SYN3: variants seen among roughly 807,000 people sequenced by gnomAD.
SYN3 encodes the protein synapsin III, also known as synapsin-3.
In SYN3, 35 loss-of-function variants were observed where a neutral mutation model predicts 65.8. The ratio of observed to expected loss-of-function variants is 0.53; its 90% CI spans 0.41 to 0.70. The LOEUF is 0.70. SYN3 is among the 30% of genes least tolerant of loss of function. SYN3 has a pLI of 0.00. For missense variants in SYN3, 680 were observed against 749.0 expected (o/e 0.91, Z 1.08); for synonymous variants, 270 against 292.9 (o/e 0.92, Z 0.80).
Position 32,510,728 on chromosome 22 carries a change from C to T in SYN3, c.*2964G>A, listed in dbSNP as rs1375242798. Among the ~76,000 whole-genome samples, 1 of 152,128 alleles carries T rather than the reference C, an allele frequency of 6.6e-6. No homozygotes were observed. The highest frequency in any genetic ancestry group is 2.4e-5 in the African/African-American group (1 of 41,412). On this transcript the variant is annotated 3_prime_UTR_variant, in exon 14 of 14. Transcript: ENST00000358763. ...TAACAGGCTGCTCTTATAAGCAGTG[C>T]CCCAGATCCTTCTAATGGGGGAACC... is the stretch of plus-strand genomic sequence containing the variant.
intron 6 of SYN3, among the ~76,000 whole-genome samples, chr22:32,855,287 C>T (rs749622989): frequency 1.3e-4 from 20 of 152,178 alleles, no homozygotes; most frequent in Non-Finnish European, 2.5e-4. Context: ...AATCACAAAG[C>T]GGACTCAGCT....
chr22:33,002,227 G>A (rs1382955935), intron 2 of SYN3, among the ~76,000 whole-genome samples: 3 of 152,176 alleles, frequency 2.0e-5, no homozygotes, highest in African/African-American at 7.2e-5. Flanking sequence ...GAAGACAGGT[G>A]ATTCACATGA....
At chr22:32,772,205 A>ATTCT (rs1414064012) in intron 6 of SYN3, among the ~76,000 whole-genome samples, 51 of 151,748 alleles carry the variant, frequency 3.4e-4, no homozygotes, top group African/African-American at 1.2e-3. Flanking sequence ...CAGGACCAGA[A>ATTCT]GGTCAAGAAA....
chr22:32,767,250 A>T (rs2045650814), intron 6 of SYN3, among the ~76,000 whole-genome samples: 1 of 152,162 alleles, frequency 6.6e-6, no homozygotes, highest in Non-Finnish European at 1.5e-5. Context: ...ACCCTCAAGT[A>T]GCCTTCTCTT....
At chr22:32,874,445 CGTGT>C (rs1233313743) in intron 4 of SYN3, among the ~76,000 whole-genome samples, 1 of 152,170 alleles carries the variant, frequency 6.6e-6, no homozygotes, top group Non-Finnish European at 1.5e-5. Flanking sequence ...GGACAGGTGA[CGTGT>C]CACAGGGGGA....
chr22:32,856,081 A>C (rs1383685821), intron 6 of SYN3, among the ~76,000 whole-genome samples: 2 of 152,190 alleles, frequency 1.3e-5, no homozygotes, highest in African/African-American at 4.8e-5. Context: ...TTTGTAATAC[A>C]TCCCTCCCAG....
chr22:32,876,548 G>C (rs2048987375), intron 4 of SYN3, among the ~76,000 whole-genome samples: 1 of 151,498 alleles, frequency 6.6e-6, no homozygotes, highest in Non-Finnish European at 1.5e-5. Context: ...ATGGGAAATG[G>C]GAACTATTAC....
Position 32,801,260 on chromosome 22 carries a change from C to T in SYN3, c.711+63655G>A, listed in dbSNP as rs2046565854. ...ACTGGAGGGGTAGCAGTTAGCATTCCCCCGCTGGTTCCACCAAGCACAGTC... is the reference window on the plus strand; with the variant it reads ...ACTGGAGGGGTAGCAGTTAGCATTCTCCCGCTGGTTCCACCAAGCACAGTC... On this transcript the variant is annotated intron_variant, in intron 6 of 13. Transcript: ENST00000358763. The surrounding 1 kb of genome is among the most constrained non-coding windows in gnomAD (Gnocchi z 4.7). 6.6e-6 allele frequency among the ~76,000 whole-genome samples: 1 copy of T among 152,230 alleles called. No homozygotes were observed. The highest frequency in any genetic ancestry group is 2.4e-5 in the African/African-American group (1 of 41,456).
At chr22:32,563,440 T>A (rs2058614942) in intron 7 of SYN3, among the ~76,000 whole-genome samples, 1 of 152,154 alleles carries the variant, frequency 6.6e-6, no homozygotes, top group Non-Finnish European at 1.5e-5. Flanking sequence ...CTCTTGAACT[T>A]GAGCTGAGTT....
At chr22:32,768,850 T>C (rs2045693663) in intron 6 of SYN3, among the ~76,000 whole-genome samples, 1 of 152,206 alleles carries the variant, frequency 6.6e-6, no homozygotes, top group South Asian at 2.1e-4. Context: ...GATGATTTTG[T>C]TTCAAATTTC....
At chr22:32,533,963 G>A in intron 9 of SYN3, 68 bp from the exon 10 acceptor site, 1 of 1,073,892 alleles carries the variant, frequency 9.3e-7, no homozygotes. Context: ...AGGGAGAGAA[G>A]TGGATTCACA....
chr22:33,042,663 C>T (rs2053985625), intron 1 of SYN3, among the ~76,000 whole-genome samples: 1 of 152,200 alleles, frequency 6.6e-6, no homozygotes, highest in Admixed American at 6.5e-5. Flanking sequence ...CAGCATGCTG[C>T]TGCACCCTAC....
intron 6 of SYN3, among the ~76,000 whole-genome samples, chr22:32,740,312 C>T (rs1466957485): frequency 6.6e-6 from 1 of 152,150 alleles, no homozygotes; most frequent in Non-Finnish European, 1.5e-5. Flanking sequence ...AAGGAGCTGC[C>T]ACTCACTGGG....
chr22:32,770,450 C>A (rs2045738848), intron 6 of SYN3, among the ~76,000 whole-genome samples: 1 of 152,096 alleles, frequency 6.6e-6, no homozygotes, highest in Non-Finnish European at 1.5e-5. Flanking sequence ...AACATCTCTA[C>A]CCTCATCTTC....
intron 6 of SYN3, among the ~76,000 whole-genome samples, chr22:32,663,590 G>A (rs1413436232): frequency 3.9e-5 from 6 of 152,098 alleles, no homozygotes; most frequent in Admixed American, 1.3e-4. Flanking sequence ...GAGCCACCAC[G>A]CCCAGCCTAA....
intron 1 of SYN3, among the ~76,000 whole-genome samples, chr22:33,008,924 CAAAAAAAAAAA>C (rs201719238): frequency 7.7e-4 from 44 of 57,090 alleles, no homozygotes; most frequent in South Asian, 4.4e-3. Flanking sequence ...GACTTTATCT[CAAAAAAAAAAA>C]AAAAAAAAAA....
intron 6 of SYN3, among the ~76,000 whole-genome samples, chr22:32,809,269 G>C (rs2046846187): frequency 6.6e-6 from 1 of 152,144 alleles, no homozygotes; most frequent in Non-Finnish European, 1.5e-5. Context: ...CTCTCATATA[G>C]ACCAAGGGCT....
chr22:32,694,242 C>T (rs2060706231), intron 6 of SYN3, among the ~76,000 whole-genome samples: 2 of 152,144 alleles, frequency 1.3e-5, no homozygotes, highest in African/African-American at 4.8e-5. Flanking sequence ...CACAGACTCT[C>T]GACTATGAAA....
rs142960502 is a variant in SYN3, at chr22:32,535,894, C to T, written c.993-1999G>A. Among the ~76,000 whole-genome samples the T allele has an allele frequency of 4.0e-3, 616 of 152,264 alleles. 3 individuals are homozygous for T. Among genetic ancestry groups the T allele is most frequent in the Non-Finnish European group, 7.4e-3 (505 of 68,024 alleles). The stretch of plus-strand genomic sequence containing the variant: ...GGCAAGCAGGCGAGCCAGTGGAGGG[C>T]GGGGTCAGGCCCTGTGTATGAGTCC... On this transcript the variant is annotated intron_variant, in intron 9 of 13. Coordinates refer to ENST00000358763, the MANE Select transcript of SYN3 (RefSeq NM_003490.4).
Sources: gnomAD v4.1 joint callset for allele counts (sites outside exome capture counted in the v4.1 genomes callset) on GRCh38, gnomAD v4.1.1 for gene constraint, Gnocchi (gnomAD v3.1) non-coding constraint, MANE v1.5 for transcripts, NCBI Gene and HGNC (gene_info 2026-07-23, HGNC 2026-07-21) for gene names.